CES1: variants seen among roughly 807,000 people sequenced by gnomAD.
CES1 encodes liver carboxylesterase 1.
A neutral mutation model predicts 53.0 loss-of-function variants in CES1; 50 were observed. The observed-to-expected ratio is 0.94, with a 90% CI of 0.75 to 1.19. CES1 has a LOEUF of 1.19. Among genes scored for constraint, CES1 ranks in the 50% most tolerant of loss-of-function variants. The pLI is 0.00. For synonymous variants in CES1, 202 were observed against 210.1 expected, an observed-to-expected ratio of 0.96 and a Z score of 0.33; for missense variants, 534 against 538.0, an observed-to-expected ratio of 0.99 and a Z score of 0.07.
At chr16:55,820,769 A>G (rs1290644920) in intron 5 of CES1, among the ~76,000 whole-genome samples, 1 of 150,996 alleles carries the variant, frequency 6.6e-6, no homozygotes, top group African/African-American at 2.4e-5. Context: ...CCCCTGCCCC[A>G]TCCCTCCCTA....
intron 5 of CES1, among the ~76,000 whole-genome samples, chr16:55,820,983 C>T (rs1450478774): frequency 6.6e-6 from 1 of 152,172 alleles, no homozygotes; most frequent in African/African-American, 2.4e-5. Flanking sequence ...CTTCTCTCTG[C>T]CTGCCCTTAC....
intron 4 of CES1, among the ~76,000 whole-genome samples, chr16:55,821,911 G>A (rs546206163): frequency 1.3e-4 from 20 of 152,344 alleles, no homozygotes; most frequent in Admixed American, 1.2e-3. Flanking sequence ...AAAAAAACAG[G>A]AGTGGGACAG....
At position 55,825,191 on chromosome 16, in the gene CES1, T is replaced by C. The variant is rs1204996713; in HGVS notation, c.405+960A>G. Among the ~76,000 whole-genome samples the C allele has an allele frequency of 1.2e-4, 15 of 121,018 alleles. No homozygotes were observed. The East Asian group carries it at 2.9e-3, about 24-fold the overall frequency. The allele number at this position is 121,018 out of a possible 152,430, so 79.4% of individuals were successfully genotyped here. A position where few individuals can be genotyped will look rare whatever the true frequency, so the allele number is the denominator to read the frequency against. Reference sequence around the variant, plus strand: ...CACAATAGAAGAATGAATGAATGAATGAATGAATGAATGAATGAATGAGTA... The same window carrying C: ...CACAATAGAAGAATGAATGAATGAACGAATGAATGAATGAATGAATGAGTA... On this transcript the variant is annotated intron_variant, in intron 3 of 13. Coordinates refer to ENST00000360526, the MANE Select transcript of CES1 (RefSeq NM_001025195.2).
At chr16:55,831,760 A>T (rs1445776660) in intron 1 of CES1, among the ~76,000 whole-genome samples, 1 of 151,492 alleles carries the variant, frequency 6.6e-6, no homozygotes, top group African/African-American at 2.4e-5. Flanking sequence ...TGCCAGAAGG[A>T]AGACAGGATG....
chr16:55,810,608 G>A lies in CES1; in HGVS notation c.1227C>T (p.Asp409=), dbSNP rs769840249. 5.2e-5 allele frequency: 84 copies of A among 1,613,870 alleles called. No individual in the cohort carries two copies. The highest frequency in any genetic ancestry group is 1.6e-4 in the Middle Eastern group (1 of 6,084). ...EATEKYLGGT[D]DTVKKKDLFL... ...ACAGGTCTTTCTTTTTGACAGTGTC[G>A]TCTGTTCCTCCTAAGTATTTCTCAG... Residue 409 remains aspartate (D), a synonymous_variant, in exon 11 of 14, where the codon GAC becomes GAT. Transcript: ENST00000360526.
At chr16:55,820,059 C>T in intron 6 of CES1, 1 of 579,334 alleles carries the variant, frequency 1.7e-6, no homozygotes, top group Non-Finnish European at 3.1e-6. Context: ...CAGGCCCTGG[C>T]ACATAGGAGG....
chr16:55,817,275 G>C (rs35476624), intron 7 of CES1, among the ~76,000 whole-genome samples: 8,770 of 152,172 alleles, frequency 0.058, 290 homozygotes, highest in Middle Eastern at 0.12. Context: ...ATCTGCCTAA[G>C]AGTGAAGCCA....
At chr16:55,820,785 G>A (rs1236349908) in intron 5 of CES1, among the ~76,000 whole-genome samples, 7 of 151,740 alleles carry the variant, frequency 4.6e-5, no homozygotes, top group Non-Finnish European at 7.4e-5. Flanking sequence ...CCCTATCCGC[G>A]GCTCCATCCC....
chr16:55,827,152 G>GC (rs2032450524), intron 2 of CES1, among the ~76,000 whole-genome samples: 1 of 152,020 alleles, frequency 6.6e-6, no homozygotes, highest in Admixed American at 6.5e-5. Context: ...GGTACATGAG[G>GC]AAACTGAGGC....
At chr16:55,832,064 C>A (rs1265246563) in intron 1 of CES1, among the ~76,000 whole-genome samples, 2 of 152,222 alleles carry the variant, frequency 1.3e-5, no homozygotes, top group Non-Finnish European at 2.9e-5. Context: ...GTTGCCATGC[C>A]CTGGCCACTA....
rs73553805 is a variant in CES1 at position 55,810,828 on chromosome 16, G to A, written c.1170+99C>T. The A allele has an allele frequency of 7.9e-3, 11,005 of 1,399,542 alleles. 587 individuals carry two copies. In the African/African-American group the frequency reaches 0.12, roughly 15 times the overall value. 86.7% of individuals were successfully genotyped at this position (1,399,542 alleles called of 1,614,324 possible). On this transcript the variant is annotated intron_variant, in intron 10 of 13. Transcript: ENST00000360526. The stretch of plus-strand genomic sequence containing the variant: ...GTGGAAAGATGGGGGAAACCCTGAG[G>A]CCCCAGTCTTCATTCTGCCATTTAA...
chr16:55,832,204 T>C (rs2032710730), intron 1 of CES1, among the ~76,000 whole-genome samples: 1 of 152,106 alleles, frequency 6.6e-6, no homozygotes, highest in African/African-American at 2.4e-5. Context: ...CTTCTATCCT[T>C]GGAAGCCACA....
At chr16:55,817,803 G>A (rs1393932219) in intron 7 of CES1, among the ~76,000 whole-genome samples, 1 of 152,002 alleles carries the variant, frequency 6.6e-6, no homozygotes, top group Admixed American at 6.6e-5. Context: ...TGTGTGTACT[G>A]GAGGCAGCGC....
At chr16:55,817,702 G>A (rs547082785) in intron 7 of CES1, among the ~76,000 whole-genome samples, 1 of 151,958 alleles carries the variant, frequency 6.6e-6, no homozygotes, top group East Asian at 1.9e-4. Context: ...TTGTGTGTGG[G>A]TGTCTGTGTG....
chr16:55,821,251 AG>A (rs2032177157), intron 5 of CES1, 116 bp downstream of exon 5: 1 of 1,352,748 alleles, frequency 7.4e-7, no homozygotes, highest in Non-Finnish European at 1.1e-6. Context: ...GAGTAGGGCC[AG>A]TCCTGAATTC....
At chr16:55,809,108 A>AAAAAAAAAAAAAAAC in intron 11 of CES1, among the ~76,000 whole-genome samples, 2 of 150,472 alleles carry the variant, frequency 1.3e-5, no homozygotes, top group African/African-American at 2.4e-5. Flanking sequence ...AAAAAAAAAA[A>AAAAAAAAAAAAAAAC]AAAGCCCTGA....
At chr16:55,819,398 A>G in intron 7 of CES1, 137 bp downstream of exon 7, 1 of 740,360 alleles carries the variant, frequency 1.4e-6, no homozygotes, top group Admixed American at 1.9e-5. Context: ...ATAAAAAAGG[A>G]CAAATCAGAT....
At chr16:55,820,660 T>A (rs2032141248) in intron 5 of CES1, among the ~76,000 whole-genome samples, 181 bp from the exon 6 acceptor site, 3 of 152,074 alleles carry the variant, frequency 2.0e-5, no homozygotes, top group Admixed American at 6.5e-5. Context: ...CCAGCACCTC[T>A]CATCTGGGTT....
chr16:55,828,520 T>G (rs1212509525), intron 2 of CES1, among the ~76,000 whole-genome samples: 2 of 152,084 alleles, frequency 1.3e-5, no homozygotes, highest in African/African-American at 2.4e-5. Context: ...TCCAGGAACC[T>G]AGGGATCTTT....
Sources: allele counts gnomAD v4.1 joint callset (sites outside exome capture counted in the v4.1 genomes callset), GRCh38; gene constraint gnomAD v4.1.1; transcripts MANE v1.5; gene names NCBI Gene and HGNC (gene_info 2026-07-23, HGNC 2026-07-21).